PCBD2: variants seen among roughly 807,000 people sequenced by gnomAD.
The protein encoded by PCBD2 is pterin-4-alpha-carbinolamine dehydratase 2.
PCBD2 carries 12 observed loss-of-function variants against 16.4 expected under a neutral mutation model. That is an observed-to-expected ratio of 0.73 (90% CI 0.47 to 1.19). The LOEUF is 1.19. PCBD2 is among the 50% of genes most tolerant of loss of function. PCBD2 has a pLI of 0.00. For synonymous variants in PCBD2, 58 were observed against 61.8 expected (o/e 0.94, Z 0.29); for missense variants, 138 against 156.8 (o/e 0.88, Z 0.64).
chr5:134,931,070 A>G (rs1439283097), intron 2 of PCBD2, among the ~76,000 whole-genome samples: 1 of 151,586 alleles, frequency 6.6e-6, no homozygotes, highest in East Asian at 1.9e-4. Flanking sequence ...GGCACCCACC[A>G]CCATGCCCGG....
chr5:134,926,744 T>C (rs1285315389), intron 2 of PCBD2: 1 of 397,388 alleles, frequency 2.5e-6, no homozygotes, highest in East Asian at 3.6e-5. Context: ...TGTTTTCTCG[T>C]GTGAATGAGG....
At position 134,960,568 on chromosome 5, in the gene PCBD2, T is replaced by A; in HGVS notation, c.298-18T>A. 2 of 1,550,670 alleles carry A rather than the reference T, an allele frequency of 1.3e-6. No homozygotes were observed. Among genetic ancestry groups the A allele is most frequent in the Non-Finnish European group, 1.8e-6 (2 of 1,133,138 alleles). On this transcript the variant is annotated intron_variant, in intron 3 of 3. Transcript: ENST00000254908. ...ATTTGCTGCTCAGAGTTTTAAAAAC[T>A]GCTTTTCTTTTTCTTAGGTCCAGAT...
At chr5:134,920,699 A>G (rs2149531905) in intron 2 of PCBD2, among the ~76,000 whole-genome samples, 1 of 149,936 alleles carries the variant, frequency 6.7e-6, no homozygotes, top group Admixed American at 6.7e-5. Flanking sequence ...TCTGTCGGCT[A>G]GGCTGGAGTG....
chr5:134,932,452 C>T (rs1751110145), intron 2 of PCBD2, among the ~76,000 whole-genome samples: 1 of 152,066 alleles, frequency 6.6e-6, no homozygotes, highest in Non-Finnish European at 1.5e-5. Flanking sequence ...AGCAATTCTC[C>T]TGCTTCAGCC....
chr5:134,927,835 G>A (rs1751034730), intron 2 of PCBD2: 1 of 324,312 alleles, frequency 3.1e-6, no homozygotes, highest in African/African-American at 2.2e-5. Flanking sequence ...CAGGTAGTTA[G>A]TATTAGGAGG....
At chr5:134,949,338 C>T (rs1053843576) in intron 2 of PCBD2, among the ~76,000 whole-genome samples, 1 of 152,068 alleles carries the variant, frequency 6.6e-6, no homozygotes, top group Non-Finnish European at 1.5e-5. Context: ...AGGCCACAGA[C>T]ACTATAATAT....
At chr5:134,957,173 C>T (rs532808858) in intron 2 of PCBD2, among the ~76,000 whole-genome samples, 55 of 152,146 alleles carry the variant, frequency 3.6e-4, no homozygotes, top group Non-Finnish European at 6.6e-4. Context: ...TGAGGAGAAT[C>T]GCTTCAATCC....
intron 2 of PCBD2, among the ~76,000 whole-genome samples, chr5:134,934,013 AAG>A (rs1751128692): frequency 6.6e-6 from 1 of 152,174 alleles, no homozygotes; most frequent in Non-Finnish European, 1.5e-5. Context: ...TTAATTCAGG[AAG>A]AGTTATTTCA....
chr5:134,932,497 A>C (rs1242758311), intron 2 of PCBD2, among the ~76,000 whole-genome samples: 1 of 152,020 alleles, frequency 6.6e-6, no homozygotes. Flanking sequence ...ATGCGCCACC[A>C]CGCTCAGCTA....
chr5:134,910,330 C>G lies in PCBD2; in HGVS notation c.85-5C>G, dbSNP rs571021381. 152 of 1,613,010 alleles carry G rather than the reference C, an allele frequency of 9.4e-5. No individual in the cohort carries two copies. In the African/African-American group the frequency reaches 1.9e-3, roughly 20 times the overall value. On this transcript the variant is annotated splice_polypyrimidine_tract_variant and splice_region_variant and intron_variant, in intron 1 of 3. Coordinates refer to ENST00000254908, the MANE Select transcript of PCBD2 (RefSeq NM_032151.5). Reference sequence around the variant, plus strand: ...TTTCAGATATGAAATGTGTTCTCTTCATAGTCATCAGGTACTCACAGGTTG... The same window carrying G: ...TTTCAGATATGAAATGTGTTCTCTTGATAGTCATCAGGTACTCACAGGTTG...
intron 2 of PCBD2, among the ~76,000 whole-genome samples, chr5:134,916,347 T>C (rs967877077): frequency 5.9e-5 from 9 of 152,356 alleles, no homozygotes; most frequent in Non-Finnish European, 1.2e-4. Context: ...TATTGCTCAA[T>C]AGGTTATGAG....
intron 2 of PCBD2, among the ~76,000 whole-genome samples, chr5:134,933,396 C>T (rs538456929): frequency 2.0e-5 from 3 of 152,104 alleles, no homozygotes; most frequent in East Asian, 1.9e-4. Flanking sequence ...CCACCACACC[C>T]GGCTAATTTT....
At chr5:134,909,397 G>A (rs1461896342) in intron 1 of PCBD2, among the ~76,000 whole-genome samples, 2 of 152,182 alleles carry the variant, frequency 1.3e-5, no homozygotes, top group Admixed American at 6.5e-5. Context: ...TTCCCCATCC[G>A]GGGATTGGTT....
chr5:134,956,364 C>G (rs1157229655), intron 2 of PCBD2, among the ~76,000 whole-genome samples: 1 of 152,154 alleles, frequency 6.6e-6, no homozygotes, highest in Non-Finnish European at 1.5e-5. Flanking sequence ...GCTGTGTTTC[C>G]TTTCAAGCCT....
rs1751444470 is a variant in PCBD2 at position 134,959,057 on chromosome 5, C to T, written c.234C>T (p.Ser78=). The T allele has an allele frequency of 9.9e-6, 16 of 1,613,766 alleles. No individual in the cohort carries two copies. The highest frequency in any genetic ancestry group is 1.4e-5 in the Non-Finnish European group (16 of 1,179,814). Residue 78 remains serine (S), a synonymous_variant, in exon 3 of 4, where the codon TCC becomes TCT. Transcript: ENST00000254908. ...TTATGCAGGCATTTGGCTTTATGTCCCGAGTTGCCCTACAAGCAGAGAAGA... is the reference window on the plus strand; with the variant it reads ...TTATGCAGGCATTTGGCTTTATGTCTCGAGTTGCCCTACAAGCAGAGAAGA... The part of the protein sequence containing the change: ...HNFNQAFGFM[S]RVALQAEKMN...
intron 2 of PCBD2, among the ~76,000 whole-genome samples, chr5:134,911,837 C>T (rs1458164444): frequency 6.6e-6 from 1 of 152,236 alleles, no homozygotes; most frequent in African/African-American, 2.4e-5. Flanking sequence ...CTCAACAGCT[C>T]TTGTTAGGGG....
intron 2 of PCBD2, among the ~76,000 whole-genome samples, chr5:134,943,178 T>C (rs1273463776): frequency 6.6e-6 from 1 of 152,170 alleles, no homozygotes; most frequent in African/African-American, 2.4e-5. Flanking sequence ...CTTGATGACA[T>C]TCACATTATA....
At chr5:134,920,149 T>C (rs1185121828) in intron 2 of PCBD2, among the ~76,000 whole-genome samples, 2 of 152,226 alleles carry the variant, frequency 1.3e-5, no homozygotes, top group African/African-American at 2.4e-5. Flanking sequence ...AGCAGTAATA[T>C]TCTCTCCCCT....
rs977716440 is a variant in PCBD2, at chr5:134,905,150, T to TGCTCGGGGC, written c.22_30dup (p.Leu8_Ala10dup). Reference sequence around the variant, plus strand: ...CTCGGCAGACGGCCAATGGCGGCGGTGCTCGGGGCGCTCGGGGCGACGCGG... The same window carrying TGCTCGGGGC: ...CTCGGCAGACGGCCAATGGCGGCGGTGCTCGGGGCGCTCGGGGCGCTCGGGGCGACGCGG... On this transcript the variant is annotated inframe_insertion, in exon 1 of 4. Coordinates refer to ENST00000254908, the MANE Select transcript of PCBD2 (RefSeq NM_032151.5). The TGCTCGGGGC allele has an allele frequency of 7.0e-5, 86 of 1,220,526 alleles. No individual in the cohort carries two copies. The South Asian group carries it at 2.2e-3, about 31-fold the overall frequency. 75.6% of individuals were successfully genotyped at this position (1,220,526 alleles called of 1,614,324 possible).
Sources: allele counts gnomAD v4.1 joint callset (sites outside exome capture counted in the v4.1 genomes callset), GRCh38; gene constraint gnomAD v4.1.1; transcripts MANE v1.5; gene names NCBI Gene and HGNC (gene_info 2026-07-23, HGNC 2026-07-21).